DCDC1: variants seen among roughly 807,000 people sequenced by gnomAD.
The protein encoded by DCDC1 is doublecortin domain containing 1, also known as doublecortin domain-containing protein 1.
A neutral mutation model predicts 178.3 loss-of-function variants in DCDC1; 200 were observed. The observed-to-expected ratio is 1.12, with a 90% CI of 1.00 to 1.26. The LOEUF is 1.26. Among genes scored for constraint, DCDC1 ranks in the 50% most tolerant of loss-of-function variants. The pLI, the probability that DCDC1 is intolerant of heterozygous loss-of-function variation, is 0.00. For missense variants in DCDC1, 1,983 were observed against 1,749.2 expected (o/e 1.13, Z -2.38); for synonymous variants, 690 against 604.8 (o/e 1.14, Z -2.07).
chr11:31,260,084 C>T (rs924543960), intron 8 of DCDC1, among the ~76,000 whole-genome samples: 1 of 152,170 alleles, frequency 6.6e-6, no homozygotes, highest in African/African-American at 2.4e-5. Context: ...AGGGATGACA[C>T]CCACTCCAGG....
intron 9 of DCDC1, among the ~76,000 whole-genome samples, chr11:31,217,986 T>C (rs1436221703): frequency 6.6e-6 from 1 of 152,120 alleles, no homozygotes; most frequent in African/African-American, 2.4e-5. Context: ...ATGCTATATA[T>C]TTCAAAGAAA....
intron 20 of DCDC1, among the ~76,000 whole-genome samples, chr11:31,045,714 T>A (rs923829041): frequency 1.3e-5 from 2 of 152,200 alleles, no homozygotes; most frequent in African/African-American, 2.4e-5. Context: ...CGAACCCGCC[T>A]AGATAAGCTC....
intron 11 of DCDC1, among the ~76,000 whole-genome samples, chr11:31,120,086 T>C (rs943821906): frequency 4.6e-5 from 7 of 152,182 alleles, no homozygotes; most frequent in African/African-American, 1.2e-4. Context: ...CTTTCTGTCA[T>C]TGGCAGAATA....
chr11:31,225,978 C>T (rs1307029954), intron 9 of DCDC1, among the ~76,000 whole-genome samples: 1 of 151,922 alleles, frequency 6.6e-6, no homozygotes, highest in Non-Finnish European at 1.5e-5. Context: ...GACTTAAGAA[C>T]AGATTCTAGT....
intron 1 of DCDC1, among the ~76,000 whole-genome samples, chr11:31,346,307 A>T (rs760455611): frequency 3.3e-5 from 5 of 151,382 alleles, no homozygotes; most frequent in South Asian, 4.2e-4. Context: ...TAAAAATACA[A>T]AAAAAAATTA....
chr11:30,994,827 G>GGTGA (rs1168238940), intron 20 of DCDC1, among the ~76,000 whole-genome samples: 1 of 147,666 alleles, frequency 6.8e-6, no homozygotes, highest in Non-Finnish European at 1.5e-5. Context: ...CATACTCAAT[G>GGTGA]GTGAGAGACT....
intron 9 of DCDC1, among the ~76,000 whole-genome samples, chr11:31,238,219 A>G (rs1246402954): frequency 3.3e-5 from 5 of 152,086 alleles, no homozygotes; most frequent in Admixed American, 3.3e-4. Flanking sequence ...ATTTGTACTT[A>G]ACACTGCCCA....
intron 20 of DCDC1, among the ~76,000 whole-genome samples, chr11:30,988,203 A>G (rs1950764381): frequency 6.6e-6 from 1 of 152,218 alleles, no homozygotes; most frequent in Non-Finnish European, 1.5e-5. Flanking sequence ...CAAAAGTAGA[A>G]GCAGAAAGAG....
chr11:30,922,114 G>A (rs1182053930), intron 24 of DCDC1, among the ~76,000 whole-genome samples: 1 of 152,198 alleles, frequency 6.6e-6, no homozygotes, highest in Non-Finnish European at 1.5e-5. Context: ...AAGAAGATCT[G>A]CAACCCAAGT....
intron 7 of DCDC1, among the ~76,000 whole-genome samples, chr11:31,270,139 G>A (rs567396665): frequency 1.3e-5 from 2 of 152,304 alleles, no homozygotes; most frequent in African/African-American, 4.8e-5. Context: ...GCAAACTACA[G>A]TCCAAAGGCC....
intron 9 of DCDC1, among the ~76,000 whole-genome samples, chr11:31,206,954 A>C (rs2136483101): frequency 6.6e-6 from 1 of 152,282 alleles, no homozygotes; most frequent in South Asian, 2.1e-4. Context: ...TTTACACTCA[A>C]CTTTGAAATA....
intron 9 of DCDC1, among the ~76,000 whole-genome samples, chr11:31,151,442 A>G (rs938787402): frequency 1.1e-4 from 17 of 152,184 alleles, no homozygotes; most frequent in African/African-American, 4.1e-4. Flanking sequence ...AGATTATACA[A>G]AAAAGAAACT....
At chr11:31,283,440 A>G (rs1174909383) in intron 7 of DCDC1, among the ~76,000 whole-genome samples, 1 of 151,168 alleles carries the variant, frequency 6.6e-6, no homozygotes, top group Non-Finnish European at 1.5e-5. Context: ...CACTGGTTCT[A>G]TTTTAAGTTT....
chr11:31,353,409 T>C (rs1346848412), intron 1 of DCDC1, among the ~76,000 whole-genome samples: 4 of 152,258 alleles, frequency 2.6e-5, no homozygotes, highest in Admixed American at 2.6e-4. Flanking sequence ...TGATAAATTA[T>C]CTGTTAATTT....
intron 10 of DCDC1, among the ~76,000 whole-genome samples, chr11:31,135,031 G>C (rs543656520): frequency 6.6e-6 from 1 of 152,194 alleles, no homozygotes; most frequent in African/African-American, 2.4e-5. Flanking sequence ...TTTTAAAAAA[G>C]CTTAACATAT....
chr11:30,911,002 C>A (rs936933244), intron 28 of DCDC1, among the ~76,000 whole-genome samples: 5 of 152,246 alleles, frequency 3.3e-5, no homozygotes, highest in Middle Eastern at 3.4e-3. Flanking sequence ...TAGCCATCCA[C>A]CTGCCTGCAG....
chr11:31,026,656 G>C (rs1226379175), intron 20 of DCDC1, among the ~76,000 whole-genome samples: 1 of 151,704 alleles, frequency 6.6e-6, no homozygotes, highest in African/African-American at 2.4e-5. Context: ...TAACTACTTT[G>C]ATGCGCTTTT....
At chr11:30,900,810 C>A (rs1044657974) in intron 32 of DCDC1, among the ~76,000 whole-genome samples, 1 of 151,892 alleles carries the variant, frequency 6.6e-6, no homozygotes. Flanking sequence ...AAATCAAGCA[C>A]AGGGGAAAGG....
intron 17 of DCDC1, among the ~76,000 whole-genome samples, chr11:31,080,737 C>T (rs113031963): frequency 6.6e-5 from 10 of 152,132 alleles, no homozygotes; most frequent in South Asian, 6.2e-4. Flanking sequence ...TGTTGGGTTG[C>T]GATAAAATTT....
Sources: allele counts gnomAD v4.1 joint callset (sites outside exome capture counted in the v4.1 genomes callset), GRCh38; gene constraint gnomAD v4.1.1; transcripts MANE v1.5; gene names NCBI Gene and HGNC (gene_info 2026-07-23, HGNC 2026-07-21).